SLBP: variants seen among roughly 807,000 people sequenced by gnomAD.
SLBP encodes the protein stem-loop histone mRNA binding protein.
In SLBP, 29 loss-of-function variants were observed where a neutral mutation model predicts 39.2. That is an observed-to-expected ratio of 0.74 (90% CI 0.55 to 1.01). The LOEUF (loss-of-function observed/expected upper bound fraction) is 1.01. Ranked by LOEUF, SLBP falls within the 50% of genes least tolerant of loss-of-function variation. The pLI, the probability that SLBP is intolerant of heterozygous loss-of-function variation, is 0.00. For missense variants in SLBP, 390 were observed against 350.2 expected (o/e 1.11, Z -0.91); for synonymous variants, 129 against 118.7 (o/e 1.09, Z -0.57).
Position 1,693,234 on chromosome 4 carries a change from T to C in SLBP, c.*363A>G, listed in dbSNP as rs1274639301. ...CTCTCAATTGGTCCCATGGATTACA[T>C]GGTTAAATCCAAAACAGTCCACCTG... is the stretch of plus-strand genomic sequence containing the variant. On this transcript the variant is annotated 3_prime_UTR_variant, in exon 8 of 8. Coordinates refer to ENST00000489418, the MANE Select transcript of SLBP (RefSeq NM_006527.4). The C allele has an allele frequency of 5.3e-6, 1 of 187,404 alleles. No individual in the cohort carries two copies. The highest frequency in any genetic ancestry group is 1.1e-5 in the Non-Finnish European group (1 of 88,720). The allele number at this position is 187,404 out of a possible 1,614,324, so 11.6% of individuals were successfully genotyped here.
chr4:1,693,834 TC>T, intron 7 of SLBP, 121 bp from the exon 8 acceptor site: 1 of 680,852 alleles, frequency 1.5e-6, no homozygotes, highest in Middle Eastern at 2.5e-4. Flanking sequence ...GGTGTACACT[TC>T]ACGTGCAACT....
At chr4:1,704,805 G>A (rs1392851218) in intron 2 of SLBP, among the ~76,000 whole-genome samples, 1 of 152,188 alleles carries the variant, frequency 6.6e-6, no homozygotes, top group Non-Finnish European at 1.5e-5. Flanking sequence ...TCTGGCCAGT[G>A]TAGACTCCTC....
intron 6 of SLBP, among the ~76,000 whole-genome samples, chr4:1,695,907 G>C (rs1242660883): frequency 6.6e-6 from 1 of 152,026 alleles, no homozygotes; most frequent in African/African-American, 2.4e-5. Context: ...AGAGATTATT[G>C]TAATTTTTAG....
chr4:1,692,786 C>T lies in SLBP; in HGVS notation c.*811G>A, dbSNP rs1380114705. ...GGCAGCTGGCCCACCTGGCAACAGCCCCAGTCAGTGAAAGAGGGTTCTTTC... is the reference window on the plus strand; with the variant it reads ...GGCAGCTGGCCCACCTGGCAACAGCTCCAGTCAGTGAAAGAGGGTTCTTTC... On this transcript the variant is annotated 3_prime_UTR_variant, in exon 8 of 8. Coordinates refer to ENST00000489418, the MANE Select transcript of SLBP (RefSeq NM_006527.4). The T allele has an allele frequency of 1.3e-5, 2 of 152,620 alleles. No individual in the cohort carries two copies. Among genetic ancestry groups the T allele is most frequent in the South Asian group, 2.1e-4 (1 of 4,832 alleles). The allele number at this position is 152,620 out of a possible 1,614,324, so 9.5% of individuals were successfully genotyped here.
intron 5 of SLBP, among the ~76,000 whole-genome samples, chr4:1,697,032 C>T (rs1402550352): frequency 2.0e-5 from 3 of 151,746 alleles, no homozygotes; most frequent in Non-Finnish European, 4.4e-5. Context: ...GTGGCTTATG[C>T]CTTGAGTCCC....
rs1577174680 is a variant in SLBP at position 1,693,397 on chromosome 4, A to G, written c.*200T>C. On this transcript the variant is annotated 3_prime_UTR_variant, in exon 8 of 8. Transcript: ENST00000489418. ...CTTTCTTGGACTTAGCTCCATTTACAATTTAAAACATGCAAAATATACTCA... is the reference window on the plus strand; with the variant it reads ...CTTTCTTGGACTTAGCTCCATTTACGATTTAAAACATGCAAAATATACTCA... The G allele has an allele frequency of 1.9e-5, 10 of 513,176 alleles. No homozygotes were observed. The East Asian group carries it at 3.3e-4, about 17-fold the overall frequency. 31.8% of individuals were successfully genotyped at this position (513,176 alleles called of 1,614,324 possible).
chr4:1,707,594 C>T (rs1055011873), intron 2 of SLBP, among the ~76,000 whole-genome samples: 10 of 152,166 alleles, frequency 6.6e-5, no homozygotes, highest in Admixed American at 3.9e-4. Flanking sequence ...ATACATCAGA[C>T]ATAAACTCAC....
At chr4:1,708,469 A>G (rs1483671715) in intron 2 of SLBP, among the ~76,000 whole-genome samples, 1 of 152,276 alleles carries the variant, frequency 6.6e-6, no homozygotes, top group African/African-American at 2.4e-5. Context: ...AAGTTATGAA[A>G]TCAAATTAGG....
At position 1,693,392 on chromosome 4, in the gene SLBP, T is replaced by C. The variant is rs947048345; in HGVS notation, c.*205A>G. ...AAGTACTTTCTTGGACTTAGCTCCA[T>C]TTACAATTTAAAACATGCAAAATAT... On this transcript the variant is annotated 3_prime_UTR_variant, in exon 8 of 8. Coordinates refer to ENST00000489418, the MANE Select transcript of SLBP (RefSeq NM_006527.4). 33 of 502,570 alleles carry C rather than the reference T, an allele frequency of 6.6e-5. No individual in the cohort carries two copies. The highest frequency in any genetic ancestry group is 5.6e-4 in the African/African-American group (29 of 51,912). The allele number at this position is 502,570 out of a possible 1,614,324, so 31.1% of individuals were successfully genotyped here.
chr4:1,696,769 G>GCA, intron 5 of SLBP, among the ~76,000 whole-genome samples: 1 of 151,620 alleles, frequency 6.6e-6, no homozygotes, highest in Admixed American at 6.6e-5. Flanking sequence ...GTGGTGGCCT[G>GCA]TGCCTGTAAT....
chr4:1,700,648 T>C (rs1378244561), intron 3 of SLBP, among the ~76,000 whole-genome samples: 1 of 151,974 alleles, frequency 6.6e-6, no homozygotes, highest in South Asian at 2.1e-4. Flanking sequence ...CAGCCTCATA[T>C]TCCTGGGCTG....
chr4:1,704,927 T>TA (rs201148253), intron 2 of SLBP, among the ~76,000 whole-genome samples: 2,441 of 109,284 alleles, frequency 0.022, 86 homozygotes, highest in African/African-American at 0.07. Context: ...TGACCCATTC[T>TA]TTTTTTTTTT....
chr4:1,693,777 A>G, intron 7 of SLBP, 64 bp from the exon 8 acceptor site: 1 of 915,726 alleles, frequency 1.1e-6, no homozygotes, highest in Non-Finnish European at 1.8e-6. Flanking sequence ...GCCCCTTCCT[A>G]CACCCCACTC....
chr4:1,710,206 C>T (rs1716688124), intron 2 of SLBP, among the ~76,000 whole-genome samples: 1 of 152,218 alleles, frequency 6.6e-6, no homozygotes, highest in South Asian at 2.1e-4. Context: ...TAAATATCAT[C>T]TCTATGTCCT....
intron 2 of SLBP, among the ~76,000 whole-genome samples, chr4:1,710,370 C>T (rs1220184598): frequency 2.0e-5 from 3 of 152,224 alleles, no homozygotes; most frequent in African/African-American, 7.2e-5. Context: ...TAGCAAATGG[C>T]CCCAATCAAC....
At chr4:1,700,739 T>G (rs1220960007) in intron 3 of SLBP, among the ~76,000 whole-genome samples, 2 of 152,080 alleles carry the variant, frequency 1.3e-5, no homozygotes, top group African/African-American at 4.8e-5. Flanking sequence ...AAAAATTTTT[T>G]TCTTTTTTTG....
intron 2 of SLBP, among the ~76,000 whole-genome samples, chr4:1,710,923 C>A (rs1281253917): frequency 6.6e-6 from 1 of 151,890 alleles, no homozygotes; most frequent in Non-Finnish European, 1.5e-5. Context: ...CGGTGGCATG[C>A]GCCTGTAATC....
chr4:1,699,870 C>T, intron 4 of SLBP, 141 bp downstream of exon 4: 2 of 785,894 alleles, frequency 2.5e-6, no homozygotes, highest in South Asian at 1.8e-5. Context: ...TAGTACACAA[C>T]AGATACAGTA....
rs192963288 is a variant in SLBP, at chr4:1,697,045, C to T, written c.480-694G>A. On this transcript the variant is annotated intron_variant, in intron 5 of 7. Coordinates refer to ENST00000489418, the MANE Select transcript of SLBP (RefSeq NM_006527.4). ...TGGTGGCTTATGCCTTGAGTCCCAGCTACTCCAGCGGCTGAGGCAGAAGAA... is the reference window on the plus strand; with the variant it reads ...TGGTGGCTTATGCCTTGAGTCCCAGTTACTCCAGCGGCTGAGGCAGAAGAA... Among the ~76,000 whole-genome samples, 191 of 151,418 alleles carry T rather than the reference C, an allele frequency of 1.3e-3. 2 individuals carry two copies. The highest frequency in any genetic ancestry group is 4.5e-3 in the African/African-American group (186 of 41,286).
Sources: allele counts gnomAD v4.1 joint callset (sites outside exome capture counted in the v4.1 genomes callset), GRCh38; gene constraint gnomAD v4.1.1; transcripts MANE v1.5; gene names NCBI Gene and HGNC (gene_info 2026-07-23, HGNC 2026-07-21).